Variants in VPS50 observed in about 807,000 individuals in gnomAD.
VPS50 encodes the protein syndetin.
VPS50 carries 70 observed loss-of-function variants against 139.7 expected under a neutral mutation model. The observed-to-expected ratio is 0.50, with a 90% CI of 0.41 to 0.61. The LOEUF is 0.61. Ranked by LOEUF, VPS50 falls within the 20% of genes least tolerant of loss-of-function variation. The pLI is 0.00. For missense variants in VPS50, 921 were observed against 1,133.7 expected, an observed-to-expected ratio of 0.81 and a Z score of 2.69; for synonymous variants, 365 against 376.7, an observed-to-expected ratio of 0.97 and a Z score of 0.36.
intron 20 of VPS50, among the ~76,000 whole-genome samples, chr7:93,319,803 C>T (rs1797547126): frequency 6.6e-6 from 1 of 152,086 alleles, no homozygotes; most frequent in Non-Finnish European, 1.5e-5. Context: ...TCCTCCATTA[C>T]TCAAATTGGT....
At chr7:93,254,033 A>G (rs149901840) in intron 4 of VPS50, 102 bp downstream of exon 4, 1 of 554,996 alleles carries the variant, frequency 1.8e-6, no homozygotes, top group Non-Finnish European at 3.2e-6. Flanking sequence ...AACAATTAAC[A>G]TAGAAACAAA....
At chr7:93,287,388 C>T (rs1034452352) in intron 12 of VPS50, among the ~76,000 whole-genome samples, 2 of 149,732 alleles carry the variant, frequency 1.3e-5, no homozygotes, top group Non-Finnish European at 3.0e-5. Flanking sequence ...TAAATTTCAG[C>T]AAATCCTCAA....
intron 20 of VPS50, among the ~76,000 whole-genome samples, chr7:93,312,615 C>T (rs999973882): frequency 4.6e-5 from 7 of 152,014 alleles, no homozygotes; most frequent in Non-Finnish European, 7.4e-5. Flanking sequence ...AGAATAAGTT[C>T]GTGCATTTTT....
intron 4 of VPS50, among the ~76,000 whole-genome samples, chr7:93,255,596 T>G (rs948979741): frequency 6.6e-6 from 1 of 152,246 alleles, no homozygotes; most frequent in Non-Finnish European, 1.5e-5. Context: ...ACATTGATAT[T>G]TCTTCATTAA....
intron 10 of VPS50, 36 bp downstream of exon 10, chr7:93,271,298 T>A (rs1796002636): frequency 6.6e-7 from 1 of 1,505,194 alleles, no homozygotes; most frequent in African/African-American, 1.5e-5. Flanking sequence ...AATGAGTTTT[T>A]CTTTTCAGAA....
chr7:93,271,892 G>A (rs1796021499), intron 10 of VPS50, among the ~76,000 whole-genome samples: 1 of 151,696 alleles, frequency 6.6e-6, no homozygotes, highest in Non-Finnish European at 1.5e-5. Flanking sequence ...TAAAAGTTGA[G>A]ATTGGACTTT....
At chr7:93,327,180 T>C (rs1420175744) in intron 21 of VPS50, among the ~76,000 whole-genome samples, 1 of 152,192 alleles carries the variant, frequency 6.6e-6, no homozygotes, top group Non-Finnish European at 1.5e-5. Flanking sequence ...ATATTAGCAA[T>C]GTCTGGTATG....
At chr7:93,334,239 A>G in intron 22 of VPS50, 42 bp downstream of exon 22, 1 of 1,089,578 alleles carries the variant, frequency 9.2e-7, no homozygotes, top group Non-Finnish European at 1.4e-6. Flanking sequence ...ATTATATAAA[A>G]TGGAAATTAG....
chr7:93,350,356 G>A (rs78216505), intron 25 of VPS50, among the ~76,000 whole-genome samples: 2,753 of 152,216 alleles, frequency 0.018, 88 homozygotes, highest in African/African-American at 0.063. Flanking sequence ...AATTATTTCT[G>A]TAGTTTAGCA....
intron 13 of VPS50, among the ~76,000 whole-genome samples, chr7:93,292,992 T>C (rs1351414735): frequency 6.6e-6 from 1 of 152,162 alleles, no homozygotes; most frequent in Non-Finnish European, 1.5e-5. Flanking sequence ...AAGTTTTCAC[T>C]TCTATTTACC....
At chr7:93,349,104 G>T (rs1318281919) in intron 24 of VPS50, among the ~76,000 whole-genome samples, 2 of 152,172 alleles carry the variant, frequency 1.3e-5, no homozygotes, top group Non-Finnish European at 2.9e-5. Context: ...GACTGGAGAA[G>T]GGGAGAGGCT....
chr7:93,265,276 C>G (rs1584404451), intron 9 of VPS50, among the ~76,000 whole-genome samples: 1 of 152,146 alleles, frequency 6.6e-6, no homozygotes, highest in African/African-American at 2.4e-5. Context: ...GCTTGGCAAA[C>G]TGTCTTTAAA....
chr7:93,355,121 A>ATTT (rs762305199), intron 26 of VPS50, among the ~76,000 whole-genome samples: 20,711 of 127,948 alleles, frequency 0.16, 1,541 homozygotes, highest in South Asian at 0.24. Context: ...CTCTTTTTTA[A>ATTT]AAAAAAAAAA....
At chr7:93,254,415 A>T (rs1231527607) in intron 4 of VPS50, among the ~76,000 whole-genome samples, 1 of 152,148 alleles carries the variant, frequency 6.6e-6, no homozygotes. Context: ...GATTACAGGC[A>T]TGTGCCACTA....
intron 20 of VPS50, among the ~76,000 whole-genome samples, chr7:93,318,665 G>T (rs537073284): frequency 6.6e-6 from 1 of 152,142 alleles, no homozygotes; most frequent in East Asian, 1.9e-4. Context: ...TTTTACTTTT[G>T]TAGGAACCCA....
At chr7:93,322,472 C>G (rs1043946079) in intron 20 of VPS50, among the ~76,000 whole-genome samples, 1 of 151,186 alleles carries the variant, frequency 6.6e-6, no homozygotes, top group Non-Finnish European at 1.5e-5. Context: ...TGGTAGCGGG[C>G]GCCTGTAGTC....
At chr7:93,256,360 A>G (rs899653833) in intron 4 of VPS50, 149 bp from the exon 5 acceptor site, 1 of 444,882 alleles carries the variant, frequency 2.2e-6, no homozygotes, top group Non-Finnish European at 4.0e-6. Context: ...AGCCCAGGGA[A>G]ATGTGTATGG....
intron 2 of VPS50, among the ~76,000 whole-genome samples, chr7:93,244,496 A>C (rs1222083122): frequency 6.6e-6 from 1 of 151,920 alleles, no homozygotes; most frequent in Admixed American, 6.6e-5. Context: ...TTTGTGCCTC[A>C]GTTTCTTCAT....
At chr7:93,302,602 T>A (rs2116966630) in intron 16 of VPS50, among the ~76,000 whole-genome samples, 1 of 152,204 alleles carries the variant, frequency 6.6e-6, no homozygotes, top group East Asian at 1.9e-4. Flanking sequence ...ATAATAATTA[T>A]CTTAAAGTCC....
Sources: allele counts gnomAD v4.1 joint callset (sites outside exome capture counted in the v4.1 genomes callset), GRCh38; gene constraint gnomAD v4.1.1; transcripts MANE v1.5; gene names NCBI Gene and HGNC (gene_info 2026-07-23, HGNC 2026-07-21).